TRERF1: variants seen among roughly 807,000 people sequenced by gnomAD.
TRERF1 encodes the protein transcriptional-regulating factor 1.
TRERF1 carries 27 observed loss-of-function variants against 122.9 expected under a neutral mutation model. The ratio of observed to expected loss-of-function variants is 0.22; its 90% CI spans 0.16 to 0.30. TRERF1 has a LOEUF of 0.30. Among genes scored for constraint, TRERF1 ranks in the 10% least tolerant of loss-of-function variants. The pLI is 1.00. For missense variants in TRERF1, 1,248 were observed against 1,560.3 expected (o/e 0.80, Z 3.37); for synonymous variants, 636 against 641.7 (o/e 0.99, Z 0.13).
At chr6:42,235,542 A>G (rs1771943275) in intron 16 of TRERF1, among the ~76,000 whole-genome samples, 2 of 152,234 alleles carry the variant, frequency 1.3e-5, no homozygotes, top group Admixed American at 1.3e-4. Flanking sequence ...TAGCTAAATT[A>G]TGCTTCTAAT....
intron 5 of TRERF1, among the ~76,000 whole-genome samples, chr6:42,266,188 C>CTTTTTT (rs34950753): frequency 1.6e-5 from 2 of 128,140 alleles, no homozygotes; most frequent in Admixed American, 8.0e-5. Flanking sequence ...TGATGGAATT[C>CTTTTTT]TTTTTTTTTT....
At chr6:42,314,869 G>C (rs1455489645) in intron 3 of TRERF1, among the ~76,000 whole-genome samples, 1 of 152,212 alleles carries the variant, frequency 6.6e-6, no homozygotes, top group Admixed American at 6.5e-5. Flanking sequence ...CAAGGTCAGA[G>C]ATTCTAAACG....
At chr6:42,278,248 A>G (rs1781655860) in intron 4 of TRERF1, among the ~76,000 whole-genome samples, 1 of 152,226 alleles carries the variant, frequency 6.6e-6, no homozygotes, top group South Asian at 2.1e-4. Flanking sequence ...CACGCAGTGT[A>G]GAGACCAATG....
At chr6:42,231,162 C>G (rs553049110) in intron 17 of TRERF1, among the ~76,000 whole-genome samples, 1 of 152,210 alleles carries the variant, frequency 6.6e-6, no homozygotes, top group South Asian at 2.1e-4. Flanking sequence ...GGATTCATGC[C>G]GATTATAATA....
intron 2 of TRERF1, among the ~76,000 whole-genome samples, chr6:42,395,717 A>C (rs1778466924): frequency 6.6e-6 from 1 of 151,942 alleles, no homozygotes; most frequent in Non-Finnish European, 1.5e-5. Context: ...TTTTTTTCCA[A>C]GGTTCTCTTC....
chr6:42,307,500 G>A (rs1474253813), intron 3 of TRERF1, among the ~76,000 whole-genome samples: 1 of 152,062 alleles, frequency 6.6e-6, no homozygotes, highest in Non-Finnish European at 1.5e-5. Flanking sequence ...AGAGTTCAAG[G>A]CTATTTCATA....
chr6:42,398,406 C>T (rs1778933083), intron 2 of TRERF1, among the ~76,000 whole-genome samples: 1 of 152,158 alleles, frequency 6.6e-6, no homozygotes, highest in Non-Finnish European at 1.5e-5. Context: ...TCCTTATTTT[C>T]CTAAGCACCT....
chr6:42,413,428 A>ATTT (rs5875802), intron 2 of TRERF1, among the ~76,000 whole-genome samples: 24 of 119,056 alleles, frequency 2.0e-4, no homozygotes, highest in African/African-American at 4.0e-4. Flanking sequence ...CAGAATCTGC[A>ATTT]TTTTTTTTTT....
chr6:42,292,649 T>C (rs971570545), intron 4 of TRERF1, among the ~76,000 whole-genome samples: 3 of 152,148 alleles, frequency 2.0e-5, no homozygotes, highest in Admixed American at 2.0e-4. Context: ...CAGGCTGAGT[T>C]CTCTAATTTG....
chr6:42,404,900 A>G (rs1019819603), intron 2 of TRERF1, among the ~76,000 whole-genome samples: 1 of 152,206 alleles, frequency 6.6e-6, no homozygotes, highest in Admixed American at 6.5e-5. Flanking sequence ...AGGGTGGGAC[A>G]GGGAGATTGA....
intron 3 of TRERF1, among the ~76,000 whole-genome samples, chr6:42,346,253 C>T (rs974904796): frequency 1.3e-5 from 2 of 152,216 alleles, no homozygotes; most frequent in African/African-American, 4.8e-5. Context: ...CCAGCCACTA[C>T]CGATTCCCCT....
rs1397084650 is a variant in TRERF1, at chr6:42,262,540, A to C, written c.1884+780T>G. On this transcript the variant is annotated intron_variant, in intron 8 of 17. Coordinates refer to ENST00000372922, the Ensembl canonical transcript of TRERF1. ...GAGAGAGAGAGAGAGAGAGAGAGAG[A>C]GAGAGAGAGAGAGAGAGAGAGAGAG... Among the ~76,000 whole-genome samples, 88 of 82,216 alleles carry C rather than the reference A, an allele frequency of 1.1e-3. 11 individuals are homozygous for C. The highest frequency in any genetic ancestry group is 8.2e-3 in the South Asian group (14 of 1,702). 53.9% of individuals were successfully genotyped at this position (82,216 alleles called of 152,430 possible).
chr6:42,323,893 G>A (rs1393314252), intron 3 of TRERF1, among the ~76,000 whole-genome samples: 1 of 152,192 alleles, frequency 6.6e-6, no homozygotes, highest in Non-Finnish European at 1.5e-5. Flanking sequence ...AGTGCAATGG[G>A]GGAGATCTAA....
intron 9 of TRERF1, among the ~76,000 whole-genome samples, chr6:42,258,556 T>G (rs560028176): frequency 6.6e-6 from 1 of 152,362 alleles, no homozygotes; most frequent in South Asian, 2.1e-4. Flanking sequence ...ATACCTAATC[T>G]TATTTGTACA....
chr6:42,392,931 T>TACATACACAC (rs111245054), intron 2 of TRERF1, among the ~76,000 whole-genome samples: 2 of 148,002 alleles, frequency 1.4e-5, no homozygotes, highest in African/African-American at 5.0e-5. Context: ...TACACACACA[T>TACATACACAC]ACACACACAC....
rs528151719 is a variant in TRERF1, at chr6:42,349,088, T to C, written c.-371+13909A>G. 3.9e-5 allele frequency among the ~76,000 whole-genome samples: 6 copies of C among 152,252 alleles called. No individual in the cohort carries two copies. The South Asian group carries it at 8.3e-4, about 21-fold the overall frequency. On this transcript the variant is annotated intron_variant, in intron 3 of 17. Transcript: ENST00000372922. ...GCTCTGTATAATGCACCGTGAGGATTTGGAGGTACCTACTTCCCCAGCTTC... is the reference window on the plus strand; with the variant it reads ...GCTCTGTATAATGCACCGTGAGGATCTGGAGGTACCTACTTCCCCAGCTTC...
At chr6:42,329,973 A>T (rs1764974750) in intron 3 of TRERF1, among the ~76,000 whole-genome samples, 2 of 152,096 alleles carry the variant, frequency 1.3e-5, no homozygotes, top group Admixed American at 6.5e-5. Context: ...TGGGCGACAG[A>T]GCAAGACTCT....
At chr6:42,390,097 G>A (rs1015727834) in intron 2 of TRERF1, among the ~76,000 whole-genome samples, 7 of 152,192 alleles carry the variant, frequency 4.6e-5, no homozygotes, top group East Asian at 3.8e-4. Flanking sequence ...AATGAAAAAC[G>A]GAGGTAGAAG....
Position 42,265,734 on chromosome 6 carries a change from G to A in TRERF1, c.1484+17C>T. Reference sequence around the variant, plus strand: ...TCCCCGTCTCCCAAAATACCAACAAGGTTCCACTCATCCTACCTTGACTCA... The same window carrying A: ...TCCCCGTCTCCCAAAATACCAACAAAGTTCCACTCATCCTACCTTGACTCA... On this transcript the variant is annotated intron_variant, in intron 6 of 17. Coordinates refer to ENST00000372922, the Ensembl canonical transcript of TRERF1. 2 of 1,611,782 alleles carry A rather than the reference G, an allele frequency of 1.2e-6. No homozygotes were observed. Among genetic ancestry groups the A allele is most frequent in the Non-Finnish European group, 1.7e-6 (2 of 1,178,884 alleles).
Sources: gnomAD v4.1 joint callset for allele counts (sites outside exome capture counted in the v4.1 genomes callset) on GRCh38, gnomAD v4.1.1 for gene constraint, MANE v1.5 for transcripts, NCBI Gene and HGNC (gene_info 2026-07-23, HGNC 2026-07-21) for gene names.